Variants in NXPE4 observed in about 807,000 individuals in gnomAD.
NXPE4 encodes the protein NXPE family member 4.
Under a neutral mutation model 33.3 loss-of-function variants are expected in NXPE4, and 42 were observed. The observed-to-expected ratio is 1.26, with a 90% CI of 0.98 to 1.63. The LOEUF is 1.63. Among genes scored for constraint, NXPE4 ranks in the 40% most tolerant of loss-of-function variants. The pLI, the probability that NXPE4 is intolerant of heterozygous loss-of-function variation, is 0.00. For missense variants in NXPE4, 709 were observed against 647.6 expected, an observed-to-expected ratio of 1.09 and a Z score of -1.03; for synonymous variants, 253 against 234.9, an observed-to-expected ratio of 1.08 and a Z score of -0.71.
At chr11:114,639,098 C>T in the NXPE4 span, among the ~76,000 whole-genome samples, 1 of 152,090 alleles carries the variant, frequency 6.6e-6, no homozygotes, top group Non-Finnish European at 1.5e-5. Flanking sequence ...GGCAGCCCTC[C>T]TTGAGCTGTG....
At chr11:114,612,891 C>G in the NXPE4 span, among the ~76,000 whole-genome samples, 1 of 151,540 alleles carries the variant, frequency 6.6e-6, no homozygotes, top group Non-Finnish European at 1.5e-5. Flanking sequence ...TGTTGCCTCA[C>G]GGGTAAGCAC....
chr11:114,602,719 A>G, the NXPE4 span, among the ~76,000 whole-genome samples: 4 of 92,270 alleles, frequency 4.3e-5, no homozygotes, highest in East Asian at 1.1e-3. Context: ...AGAATCACAT[A>G]TAATTATCTC....
At position 114,581,742 on chromosome 11, in the gene NXPE4, C is replaced by A. The variant is rs748083365; in HGVS notation, c.875G>T (p.Ser292Ile). The change falls in exon 4 of 6, where the codon AGT (serine) becomes ATT (isoleucine). Residue 292 changes from serine (S) to isoleucine (I), a missense_variant. Ser to Ile is a moderately radical substitution (Grantham distance 142). Transcript: ENST00000375478. ...VEIMEKFNTI[S>I]VSKCNKETVA... The stretch of plus-strand genomic sequence containing the variant: ...GTACTTACTGTTGCATTTGGAGACA[C>A]TAATTGTATTGAATTTTTCCATAAT... 4 of 1,612,186 alleles carry A rather than the reference C, an allele frequency of 2.5e-6. No homozygotes were observed. Among genetic ancestry groups the A allele is most frequent in the Non-Finnish European group, 3.4e-6 (4 of 1,178,822 alleles).
At chr11:114,654,361 T>TA in the NXPE4 span, among the ~76,000 whole-genome samples, 83 of 148,342 alleles carry the variant, frequency 5.6e-4, 1 homozygote, top group Non-Finnish European at 1.0e-3. Flanking sequence ...TTATTTCTTC[T>TA]AAAAAAAAAA....
chr11:114,591,308 C>T (rs1043600461), intron 2 of NXPE4, among the ~76,000 whole-genome samples: 1 of 152,170 alleles, frequency 6.6e-6, no homozygotes, highest in African/African-American at 2.4e-5. Flanking sequence ...CATGCTCATG[C>T]TACCATTTGG....
At chr11:114,580,382 T>TATGTTTATTTGTATTAA (rs1216676587) in intron 4 of NXPE4, 44 bp from the exon 5 acceptor site, 4 of 1,538,030 alleles carry the variant, frequency 2.6e-6, no homozygotes, top group Admixed American at 3.3e-5. Context: ...AACATCAAAT[T>TATGTTTATTTGTATTAA]ACCCGTCAGT....
chr11:114,594,867 A>G, intron 1 of NXPE4, 98 bp from the exon 2 acceptor site: 1 of 651,692 alleles, frequency 1.5e-6, no homozygotes, highest in Non-Finnish European at 2.7e-6. Flanking sequence ...GCTCATGATT[A>G]CTTTTTAGCC....
chr11:114,601,955 ATAT>A, the NXPE4 span, among the ~76,000 whole-genome samples: 502 of 80,500 alleles, frequency 6.2e-3, 8 homozygotes, highest in African/African-American at 0.022. Context: ...ATTATATATA[ATAT>A]TATATATTAT....
the NXPE4 span, among the ~76,000 whole-genome samples, chr11:114,615,575 T>G: frequency 6.6e-6 from 1 of 150,968 alleles, no homozygotes; most frequent in Non-Finnish European, 1.5e-5. Flanking sequence ...GTAACCACCT[T>G]TACCTGGTGA....
At chr11:114,634,346 G>T in the NXPE4 span, among the ~76,000 whole-genome samples, 10 of 151,724 alleles carry the variant, frequency 6.6e-5, no homozygotes, top group Admixed American at 4.6e-4. Flanking sequence ...TGAGTTCATT[G>T]TAGATTCTGG....
the NXPE4 span, among the ~76,000 whole-genome samples, chr11:114,656,129 C>T: frequency 6.6e-6 from 1 of 152,028 alleles, no homozygotes; most frequent in Admixed American, 6.6e-5. Context: ...TTCCTTTTCA[C>T]CAACAAAAGG....
the NXPE4 span, among the ~76,000 whole-genome samples, chr11:114,642,013 A>G: frequency 2.6e-5 from 4 of 152,204 alleles, no homozygotes; most frequent in African/African-American, 9.6e-5. Flanking sequence ...AAACCCAAAT[A>G]AAAAAGTAAT....
chr11:114,637,330 A>G, the NXPE4 span, among the ~76,000 whole-genome samples: 4 of 151,762 alleles, frequency 2.6e-5, no homozygotes, highest in Admixed American at 2.0e-4. Flanking sequence ...ATCTTCCTCC[A>G]TCCTTTTATT....
chr11:114,613,446 A>C, the NXPE4 span, among the ~76,000 whole-genome samples: 1 of 151,946 alleles, frequency 6.6e-6, no homozygotes, highest in African/African-American at 2.4e-5. Flanking sequence ...CCTCTTGTGT[A>C]ACCACTGTTA....
At chr11:114,675,677 A>C in the NXPE4 span, among the ~76,000 whole-genome samples, 1 of 151,970 alleles carries the variant, frequency 6.6e-6, no homozygotes, top group South Asian at 2.1e-4. Context: ...ATACTGCCCA[A>C]AACATTCTAC....
In NXPE4 at chr11:114,571,075, T is replaced by C; in HGVS notation, c.1498A>G (p.Lys500Glu). 1 of 1,614,036 alleles carries C rather than the reference T, an allele frequency of 6.2e-7. No homozygotes were observed. The highest frequency in any genetic ancestry group is 8.5e-7 in the Non-Finnish European group (1 of 1,179,916). Residue 500 changes from lysine to glutamate, a missense_variant, in exon 6 of 6, where the codon AAG becomes GAG. Transcript: ENST00000375478. The part of the protein sequence containing the change: ...FHGYIQYLII[K>E]DIFQDLSVSI... ...ACACTGAGATCCTGGAAAATGTCCT[T>C]TATGATGAGATATTGAATGTAACCA...
the NXPE4 span, among the ~76,000 whole-genome samples, chr11:114,649,331 C>CT: frequency 2.2e-4 from 34 of 152,226 alleles, no homozygotes; most frequent in Non-Finnish European, 5.9e-5. Context: ...TAGAGAAAAT[C>CT]TAATGTATTT....
At chr11:114,624,432 A>G in the NXPE4 span, among the ~76,000 whole-genome samples, 1 of 152,156 alleles carries the variant, frequency 6.6e-6, no homozygotes, top group African/African-American at 2.4e-5. Context: ...ACTGGATAAT[A>G]ATTATTGCCT....
the NXPE4 span, among the ~76,000 whole-genome samples, chr11:114,625,159 G>A: frequency 6.6e-6 from 1 of 152,148 alleles, no homozygotes; most frequent in African/African-American, 2.4e-5. Context: ...ATTGCCTTGT[G>A]GGTAACCACT....
Sources: gnomAD v4.1 joint callset for allele counts (sites outside exome capture counted in the v4.1 genomes callset) on GRCh38, gnomAD v4.1.1 for gene constraint, MANE v1.5 for transcripts, NCBI Gene and HGNC (gene_info 2026-07-23, HGNC 2026-07-21) for gene names.